Variants in TECPR2 observed in about 807,000 individuals in gnomAD.
TECPR2 encodes tectonin beta-propeller repeat containing 2.
Under a neutral mutation model 138.1 loss-of-function variants are expected in TECPR2, and 65 were observed. The ratio of observed to expected loss-of-function variants is 0.47; its 90% CI spans 0.39 to 0.58. TECPR2 has a LOEUF of 0.58. Among genes scored for constraint, TECPR2 ranks in the 20% least tolerant of loss-of-function variants. The probability of loss-of-function intolerance (pLI) is 0.00; values close to 1 mark genes in which losing one functional copy is unlikely to be tolerated. For missense variants in TECPR2, 1,553 were observed against 1,824.5 expected (o/e 0.85, Z 2.71); for synonymous variants, 746 against 749.8 (o/e 0.99, Z 0.08).
At position 102,407,567 on chromosome 14, in the gene TECPR2, GA is replaced by G. The variant is rs529502937; in HGVS notation, c.348+104del. On this transcript the variant is annotated intron_variant, in intron 3 of 19. Coordinates refer to ENST00000359520, the MANE Select transcript of TECPR2 (RefSeq NM_014844.5). Reference sequence around the variant, plus strand: ...TCTGCTTAGAAAGTTTATGCTCAGAGAAAGCCGGGCACGACTTTCTCTGCCC... The same window carrying G: ...TCTGCTTAGAAAGTTTATGCTCAGAGAAGCCGGGCACGACTTTCTCTGCCC... The G allele has an allele frequency of 5.0e-3, 7,193 of 1,438,554 alleles. 27 individuals carry two copies. The highest frequency in any genetic ancestry group is 6.2e-3 in the Non-Finnish European group (6,759 of 1,087,010). The allele number at this position is 1,438,554 out of a possible 1,614,324, so 89.1% of individuals were successfully genotyped here.
At chr14:102,417,821 G>A (rs1036232842) in intron 5 of TECPR2, among the ~76,000 whole-genome samples, 1 of 149,598 alleles carries the variant, frequency 6.7e-6, no homozygotes, top group Non-Finnish European at 1.5e-5. Flanking sequence ...GCCTGGCATG[G>A]GAGTCCAGGG....
rs2085240584 is a variant in TECPR2 at position 102,441,559 on chromosome 14, GCTTGCCTGTAAT to G, written c.2752+952_2752+963del. Among the ~76,000 whole-genome samples, 4 of 151,640 alleles carry G rather than the reference GCTTGCCTGTAAT, an allele frequency of 2.6e-5. No homozygotes were observed. In the South Asian group the frequency reaches 8.3e-4, roughly 32 times the overall value. On this transcript the variant is annotated intron_variant, in intron 11 of 19. Transcript: ENST00000359520. ...CAAAAAATTAGCTGGGCGTGGTGGC[GCTTGCCTGTAAT>G]CCCAGCTACTTGGGAGCCTGAGGCA...
chr14:102,492,553 C>T (rs762324209), intron 17 of TECPR2, among the ~76,000 whole-genome samples: 1 of 152,182 alleles, frequency 6.6e-6, no homozygotes, highest in African/African-American at 2.4e-5. Flanking sequence ...GGGCTGGGGA[C>T]GCAGAATGTT....
At chr14:102,374,399 ACT>A (rs1427747302) in intron 1 of TECPR2, among the ~76,000 whole-genome samples, 1 of 152,012 alleles carries the variant, frequency 6.6e-6, no homozygotes, top group Non-Finnish European at 1.5e-5. Context: ...ACAGTGTCTC[ACT>A]CTGTCACTCG....
intron 2 of TECPR2, among the ~76,000 whole-genome samples, chr14:102,390,538 C>G (rs964992747): frequency 1.3e-5 from 2 of 152,074 alleles, no homozygotes; most frequent in Non-Finnish European, 2.9e-5. Flanking sequence ...ATGTGTGTGG[C>G]AGAAGGAAGA....
At chr14:102,489,502 C>CA (rs1891110492) in intron 17 of TECPR2, among the ~76,000 whole-genome samples, 2 of 151,734 alleles carry the variant, frequency 1.3e-5, no homozygotes, top group Admixed American at 1.3e-4. Flanking sequence ...GTCAGGAGTT[C>CA]AAGACCAGCC....
chr14:102,488,382 C>T (rs1446226459), intron 17 of TECPR2, among the ~76,000 whole-genome samples: 1 of 148,380 alleles, frequency 6.7e-6, no homozygotes, highest in African/African-American at 2.5e-5. Context: ...TCTTTTTGCC[C>T]AGGCTGGAGT....
At position 102,431,968 on chromosome 14, in the gene TECPR2, C is replaced by T. The variant is rs2139726956; in HGVS notation, c.1257C>T (p.Gly419=). 11 of 1,612,986 alleles carry T rather than the reference C, an allele frequency of 6.8e-6. No individual in the cohort carries two copies. The highest frequency in any genetic ancestry group is 8.5e-6 in the Non-Finnish European group (10 of 1,179,852). The change falls in exon 8 of 20, where the codon GGC becomes GGT. Residue 419 remains glycine, a synonymous_variant. Coordinates refer to ENST00000359520, the MANE Select transcript of TECPR2 (RefSeq NM_014844.5). ...RSSSLNSTDS[G]SGLLPPGLQA... is the part of the protein sequence containing the mutation. Reference sequence around the variant, plus strand: ...GCTCGCTCAACTCCACCGACAGCGGCTCCGGGCTCCTGCCCCCTGGGCTCC... The same window carrying T: ...GCTCGCTCAACTCCACCGACAGCGGTTCCGGGCTCCTGCCCCCTGGGCTCC...
intron 2 of TECPR2, among the ~76,000 whole-genome samples, chr14:102,378,257 G>A (rs7141229): frequency 0.19 from 29,061 of 152,058 alleles, 3,003 homozygotes; most frequent in South Asian, 0.33. Flanking sequence ...GTTTTAATCA[G>A]TATTCAATAT....
chr14:102,386,386 C>A (rs1888004300), intron 2 of TECPR2, among the ~76,000 whole-genome samples: 1 of 151,998 alleles, frequency 6.6e-6, no homozygotes, highest in South Asian at 2.1e-4. Flanking sequence ...TGGAGAATTG[C>A]TTGAACCCAG....
intron 2 of TECPR2, among the ~76,000 whole-genome samples, chr14:102,403,678 G>A (rs924479346): frequency 2.0e-5 from 3 of 152,042 alleles, no homozygotes; most frequent in African/African-American, 7.2e-5. Context: ...TGACATAGTA[G>A]CAGCATACAA....
chr14:102,397,823 A>T (rs1234006410), intron 2 of TECPR2, among the ~76,000 whole-genome samples: 2 of 151,790 alleles, frequency 1.3e-5, no homozygotes, highest in Non-Finnish European at 2.9e-5. Flanking sequence ...TACGCCTGTA[A>T]TCCCAGCATT....
intron 2 of TECPR2, among the ~76,000 whole-genome samples, chr14:102,391,649 T>C (rs927843456): frequency 8.5e-5 from 13 of 152,176 alleles, no homozygotes; most frequent in African/African-American, 3.1e-4. Context: ...TACCATAAAA[T>C]GAGGTACTTC....
chr14:102,437,036 G>A, intron 9 of TECPR2: 1 of 985,408 alleles, frequency 1.0e-6, no homozygotes, highest in Non-Finnish European at 1.2e-6. Context: ...CCAGGTAGCT[G>A]GGAAGCCAAG....
chr14:102,496,955 C>G (rs1595152941), intron 17 of TECPR2, 24 bp from the exon 18 acceptor site: 5 of 1,611,284 alleles, frequency 3.1e-6, no homozygotes, highest in East Asian at 2.2e-5. Context: ...CCTGCCTTCC[C>G]TGAAAGTCCC....
intron 2 of TECPR2, among the ~76,000 whole-genome samples, chr14:102,392,370 C>A (rs115768409): frequency 3.9e-4 from 60 of 152,218 alleles, no homozygotes; most frequent in African/African-American, 1.2e-3. Flanking sequence ...TGTTTTGAAT[C>A]TTTTCATCTC....
chr14:102,436,044 G>A (rs1889661628), intron 9 of TECPR2, among the ~76,000 whole-genome samples: 1 of 152,194 alleles, frequency 6.6e-6, no homozygotes, highest in Non-Finnish European at 1.5e-5. Context: ...CTCACCATGT[G>A]CAGGTATCCC....
rs35221234 is a variant in TECPR2, at chr14:102,467,319, AT to A, written c.3789+2052del. Among the ~76,000 whole-genome samples the A allele has an allele frequency of 2.0e-3, 234 of 114,394 alleles. 1 individual carries two copies. Among genetic ancestry groups the A allele is most frequent in the South Asian group, 2.8e-3 (10 of 3,544 alleles). The allele number at this position is 114,394 out of a possible 152,430, so 75.0% of individuals were successfully genotyped here. A position where few individuals can be genotyped will look rare whatever the true frequency, so the allele number is the denominator to read the frequency against. ...GTTCTAGTTTTTCCCATCCTCACCA[AT>A]TTTTTTTTTTTTTTTTTTTTTGAGC... is the stretch of plus-strand genomic sequence containing the variant. On this transcript the variant is annotated intron_variant, in intron 17 of 19. Coordinates refer to ENST00000359520, the MANE Select transcript of TECPR2 (RefSeq NM_014844.5).
intron 7 of TECPR2, among the ~76,000 whole-genome samples, chr14:102,431,509 AT>A (rs200952724): frequency 9.3e-4 from 142 of 151,984 alleles, no homozygotes; most frequent in African/African-American, 3.2e-3. Context: ...TGCCCGGCTA[AT>A]TTTTTGTATT....
Sources: gnomAD v4.1 joint callset for allele counts (sites outside exome capture counted in the v4.1 genomes callset) on GRCh38, gnomAD v4.1.1 for gene constraint, MANE v1.5 for transcripts, NCBI Gene and HGNC (gene_info 2026-07-23, HGNC 2026-07-21) for gene names.